Variants in RNF150 observed in about 807,000 individuals in gnomAD.
RNF150 encodes ring finger protein 150.
Under a neutral mutation model 39.3 loss-of-function variants are expected in RNF150, and 24 were observed. The ratio of observed to expected loss-of-function variants is 0.61; its 90% confidence interval spans 0.44 to 0.86. The LOEUF is 0.86. RNF150 is among the 40% of genes least tolerant of loss of function. The pLI, the probability that RNF150 is intolerant of heterozygous loss-of-function variation, is 0.00. For missense variants in RNF150, 502 were observed against 587.8 expected, an observed-to-expected ratio of 0.85 and a Z score of 1.51; for synonymous variants, 255 against 227.3, an observed-to-expected ratio of 1.12 and a Z score of -1.10.
At chr4:140,900,455 T>C (rs55741145) in intron 6 of RNF150, among the ~76,000 whole-genome samples, 87,470 of 151,620 alleles carry the variant, frequency 0.58, 25,907 homozygotes, top group East Asian at 0.89. Flanking sequence ...ATAAAGACTA[T>C]AGCTAAGTAA....
At position 140,861,663 on chromosome 4, in the gene RNF150, C is replaced by T. The variant is rs896025609; in HGVS notation, c.*6598G>A. The T allele has an allele frequency of 6.6e-6, 1 of 152,192 alleles. No homozygotes were observed. The highest frequency in any genetic ancestry group is 2.1e-4 in the South Asian group (1 of 4,826). 9.4% of individuals were successfully genotyped at this position (152,192 alleles called of 1,614,324 possible). On this transcript the variant is annotated 3_prime_UTR_variant, in exon 7 of 7. Transcript: ENST00000515673. ...AGTTCTTCAACTGCTCTACTATACC[C>T]ATTAGTACAGGCAACAGTTTTGTAT...
At chr4:141,061,250 C>T (rs1167369281) in intron 1 of RNF150, among the ~76,000 whole-genome samples, 1 of 152,078 alleles carries the variant, frequency 6.6e-6, no homozygotes, top group Admixed American at 6.6e-5. Context: ...AGATTCCATG[C>T]AGATACTAGC....
At chr4:141,096,499 A>G (rs1738790610) in intron 1 of RNF150, among the ~76,000 whole-genome samples, 1 of 152,042 alleles carries the variant, frequency 6.6e-6, no homozygotes, top group Non-Finnish European at 1.5e-5. Flanking sequence ...TGCCCAGCCA[A>G]GAGTTTTTAG....
At chr4:141,077,675 G>A (rs955340034) in intron 1 of RNF150, among the ~76,000 whole-genome samples, 2 of 152,206 alleles carry the variant, frequency 1.3e-5, no homozygotes, top group Non-Finnish European at 2.9e-5. Context: ...TAACTTGAGG[G>A]AGATTCCAGC....
chr4:141,176,284 C>T (rs1727811025), intron 1 of RNF150, among the ~76,000 whole-genome samples: 1 of 152,026 alleles, frequency 6.6e-6, no homozygotes, highest in African/African-American at 2.4e-5. Flanking sequence ...TTCCAAAGGC[C>T]CAACCTCTTA....
intron 1 of RNF150, among the ~76,000 whole-genome samples, chr4:141,150,149 A>G (rs1266471504): frequency 6.6e-6 from 1 of 152,220 alleles, no homozygotes; most frequent in Non-Finnish European, 1.5e-5. Context: ...GTGGGAAAAT[A>G]TACTATTTTG....
intron 4 of RNF150, among the ~76,000 whole-genome samples, chr4:140,943,345 C>T (rs140730311): frequency 4.6e-5 from 7 of 152,106 alleles, no homozygotes; most frequent in African/African-American, 1.2e-4. Context: ...CTTAAAGTTG[C>T]AAAATAAGCA....
At chr4:141,141,248 G>C (rs1727113095) in intron 1 of RNF150, among the ~76,000 whole-genome samples, 1 of 152,188 alleles carries the variant, frequency 6.6e-6, no homozygotes, top group South Asian at 2.1e-4. Context: ...TTTCTCTTCT[G>C]TAAAATGAAG....
rs572131318 is a variant in RNF150, at chr4:140,899,659, G to A, written c.1198+11485C>T. 2.0e-5 allele frequency among the ~76,000 whole-genome samples: 3 copies of A among 152,164 alleles called. No individual in the cohort carries two copies. In the East Asian group the frequency reaches 5.8e-4, roughly 29 times the overall value. ...CCTTGGGAAGCCTATGGAGCGAGGA[G>A]GAAGAACTGTCTTCTAAGCATCCTT... On this transcript the variant is annotated intron_variant, in intron 6 of 6. Transcript: ENST00000515673.
intron 1 of RNF150, among the ~76,000 whole-genome samples, chr4:141,104,895 GTCTC>G (rs1271774037): frequency 2.6e-5 from 4 of 151,056 alleles, no homozygotes; most frequent in Admixed American, 6.6e-5. Flanking sequence ...TGATGAGGCT[GTCTC>G]TCTCTCTCTC....
chr4:140,991,699 A>C (rs1734203289), intron 1 of RNF150, among the ~76,000 whole-genome samples: 1 of 152,176 alleles, frequency 6.6e-6, no homozygotes, highest in Non-Finnish European at 1.5e-5. Flanking sequence ...GTTGCTGAGC[A>C]ACTGATAGAG....
At chr4:140,966,908 C>T (rs1176054905) in intron 2 of RNF150, among the ~76,000 whole-genome samples, 2 of 151,968 alleles carry the variant, frequency 1.3e-5, no homozygotes, top group Non-Finnish European at 2.9e-5. Context: ...AAAACATGTC[C>T]GTTAATAGGT....
Position 141,037,323 on chromosome 4 carries a change from C to A in RNF150, c.485-69450G>T, listed in dbSNP as rs888769797. ...ACTACCCTTCCTTAAGTCAATACTT[C>A]GTAATTTATAAGGACTTTAAGAAAC... is the stretch of plus-strand genomic sequence containing the variant. On this transcript the variant is annotated intron_variant, in intron 1 of 6. Transcript: ENST00000515673. 3.9e-5 allele frequency among the ~76,000 whole-genome samples: 6 copies of A among 151,934 alleles called. No homozygotes were observed. The East Asian group carries it at 1.2e-3, about 29-fold the overall frequency.
At chr4:140,898,456 T>C (rs1458498165) in intron 6 of RNF150, among the ~76,000 whole-genome samples, 1 of 152,216 alleles carries the variant, frequency 6.6e-6, no homozygotes, top group Non-Finnish European at 1.5e-5. Flanking sequence ...CGTGCAGTCA[T>C]GCATTTATGC....
At position 140,935,662 on chromosome 4, in the gene RNF150, C is replaced by T. The variant is rs554607863; in HGVS notation, c.891-9589G>A. The stretch of plus-strand genomic sequence containing the variant: ...AAAATCTGAAGTAATCAAAGAAAAA[C>T]GATAAGAAAACACTTAGCAAACTCC... On this transcript the variant is annotated intron_variant, in intron 4 of 6. Transcript: ENST00000515673. Among the ~76,000 whole-genome samples, 14 of 152,098 alleles carry T rather than the reference C, an allele frequency of 9.2e-5. No individual in the cohort carries two copies. In the South Asian group the frequency reaches 2.3e-3, roughly 25 times the overall value.
intron 1 of RNF150, among the ~76,000 whole-genome samples, chr4:140,997,890 G>A (rs1734440302): frequency 6.6e-6 from 1 of 152,090 alleles, no homozygotes; most frequent in Non-Finnish European, 1.5e-5. Context: ...ATAGTCACTA[G>A]TCACAGATTA....
At chr4:141,101,998 T>A (rs931590402) in intron 1 of RNF150, among the ~76,000 whole-genome samples, 4 of 151,982 alleles carry the variant, frequency 2.6e-5, no homozygotes, top group Admixed American at 1.3e-4. Context: ...GCCAGGAGGG[T>A]CTCGAACTCC....
chr4:140,955,213 A>G (rs1732704439), intron 2 of RNF150, among the ~76,000 whole-genome samples: 1 of 151,960 alleles, frequency 6.6e-6, no homozygotes, highest in Non-Finnish European at 1.5e-5. Flanking sequence ...GTGGATCACC[A>G]CTCCACAAAT....
rs1729609872 is a variant in RNF150, at chr4:140,887,276, A to G, written c.1199-18897T>C. Reference sequence around the variant, plus strand: ...CAGCTTCCTCATCAGTAAAGTACTGATAATAATACATTTTTTGTAGCCTGT... The same window carrying G: ...CAGCTTCCTCATCAGTAAAGTACTGGTAATAATACATTTTTTGTAGCCTGT... On this transcript the variant is annotated intron_variant, in intron 6 of 6. Coordinates refer to ENST00000515673, the MANE Select transcript of RNF150 (RefSeq NM_020724.2). Among the ~76,000 whole-genome samples the G allele has an allele frequency of 2.0e-5, 3 of 152,380 alleles. No individual in the cohort carries two copies. In the South Asian group the frequency reaches 6.2e-4, roughly 32 times the overall value.
Sources: allele counts gnomAD v4.1 joint callset (sites outside exome capture counted in the v4.1 genomes callset), GRCh38; gene constraint gnomAD v4.1.1; transcripts MANE v1.5; gene names NCBI Gene and HGNC (gene_info 2026-07-23, HGNC 2026-07-21).